The following LPP variants were observed in gnomAD, a reference collection of about 807,000 sequenced individuals.
The protein encoded by LPP is LIM domain containing preferred translocation partner in lipoma.
A neutral mutation model predicts 60.4 loss-of-function variants in LPP; 38 were observed. The observed-to-expected ratio is 0.63, with a 90% CI of 0.49 to 0.83. The LOEUF (loss-of-function observed/expected upper bound fraction) is 0.83, where lower values mean the gene tolerates loss of function less well. Among genes scored for constraint, LPP ranks in the 40% least tolerant of loss-of-function variants. The pLI, the probability that LPP is intolerant of heterozygous loss-of-function variation, is 0.00. For synonymous variants in LPP, 328 were observed against 290.8 expected (o/e 1.13, Z -1.30); for missense variants, 902 against 783.6 (o/e 1.15, Z -1.80).
chr3:188,325,830 C>T (rs370670023), intron 2 of LPP, among the ~76,000 whole-genome samples: 4 of 152,042 alleles, frequency 2.6e-5, no homozygotes, highest in Admixed American at 6.6e-5. Flanking sequence ...TCTGTATCTC[C>T]GCCTGTAGAA....
chr3:188,441,594 TTTTTC>T (rs1231613346), intron 4 of LPP, among the ~76,000 whole-genome samples: 57 of 135,864 alleles, frequency 4.2e-4, no homozygotes, highest in Non-Finnish European at 7.8e-4. Flanking sequence ...ACAGTTTCTT[TTTTTC>T]TTTTCTTTTC....
intron 2 of LPP, among the ~76,000 whole-genome samples, chr3:188,300,910 A>G (rs1749624156): frequency 6.6e-6 from 1 of 152,222 alleles, no homozygotes; most frequent in African/African-American, 2.4e-5. Context: ...AGATTGAAGG[A>G]GTAGTAAGCT....
intron 2 of LPP, among the ~76,000 whole-genome samples, chr3:188,237,783 G>A (rs1337154356): frequency 6.6e-6 from 1 of 152,148 alleles, no homozygotes; most frequent in African/African-American, 2.4e-5. Flanking sequence ...CACAGGCAGA[G>A]TAGATTCAGC....
chr3:188,200,272 G>A (rs576201172), intron 1 of LPP, among the ~76,000 whole-genome samples: 20 of 145,974 alleles, frequency 1.4e-4, no homozygotes, highest in East Asian at 2.0e-4. Flanking sequence ...TTTCTGAGAC[G>A]GAGTTTCACT....
At chr3:188,533,346 G>A (rs138219469) in intron 6 of LPP, among the ~76,000 whole-genome samples, 10 of 152,320 alleles carry the variant, frequency 6.6e-5, no homozygotes, top group African/African-American at 2.2e-4. Context: ...TGCTGATACT[G>A]TGTGATGAGA....
intron 1 of LPP, among the ~76,000 whole-genome samples, chr3:188,166,428 T>C (rs867133893): frequency 6.6e-6 from 1 of 152,222 alleles, no homozygotes; most frequent in African/African-American, 2.4e-5. Flanking sequence ...CTGGCTCAGC[T>C]TGCAGGATCC....
chr3:188,642,004 G>C (rs374920728), intron 7 of LPP, among the ~76,000 whole-genome samples: 8 of 152,252 alleles, frequency 5.3e-5, no homozygotes, highest in South Asian at 2.1e-4. Flanking sequence ...GAAGCAAACC[G>C]CATCCTTGCT....
intron 9 of LPP, among the ~76,000 whole-genome samples, chr3:188,774,139 T>G (rs1274918881): frequency 6.6e-6 from 1 of 152,192 alleles, no homozygotes; most frequent in Non-Finnish European, 1.5e-5. Flanking sequence ...TTAAATAAAT[T>G]TATGCTAACA....
intron 10 of LPP, among the ~76,000 whole-genome samples, 165 bp from the exon 11 acceptor site, chr3:188,872,478 A>C (rs1337037701): frequency 6.6e-6 from 1 of 152,174 alleles, no homozygotes; most frequent in African/African-American, 2.4e-5. Flanking sequence ...AATATTTACC[A>C]CCGATTGATG....
intron 1 of LPP, among the ~76,000 whole-genome samples, chr3:188,202,167 G>A (rs114508209): frequency 1.3e-5 from 2 of 151,940 alleles, no homozygotes; most frequent in African/African-American, 2.4e-5. Context: ...ACGTAGCCTC[G>A]TCTTGGCACC....
At chr3:188,840,053 T>G (rs751384890) in intron 9 of LPP, among the ~76,000 whole-genome samples, 12 of 152,246 alleles carry the variant, frequency 7.9e-5, no homozygotes, top group Middle Eastern at 3.4e-3. Context: ...CAGTCTTACC[T>G]CCTAGAATAC....
intron 2 of LPP, among the ~76,000 whole-genome samples, chr3:188,333,107 T>G (rs76394494): frequency 6.6e-6 from 1 of 152,216 alleles, no homozygotes; most frequent in East Asian, 1.9e-4. Context: ...AATCTCATGA[T>G]AGTAGAACAT....
intron 2 of LPP, among the ~76,000 whole-genome samples, chr3:188,302,568 C>T (rs1405708608): frequency 6.6e-6 from 1 of 152,190 alleles, no homozygotes; most frequent in African/African-American, 2.4e-5. Flanking sequence ...GTTTTCCTCA[C>T]ATGCTGCTGT....
intron 6 of LPP, chr3:188,568,735 G>A (rs1406149166): frequency 6.6e-6 from 1 of 152,036 alleles, no homozygotes; most frequent in Non-Finnish European, 1.5e-5. Flanking sequence ...AGTTTGCGAG[G>A]TGAGTGGCTT....
intron 9 of LPP, among the ~76,000 whole-genome samples, chr3:188,779,167 A>G (rs1738790931): frequency 6.6e-6 from 1 of 152,140 alleles, no homozygotes; most frequent in African/African-American, 2.4e-5. Context: ...ATGTTAGTGC[A>G]CTTATAGAAA....
intron 7 of LPP, among the ~76,000 whole-genome samples, chr3:188,676,654 G>C (rs1858175536): frequency 6.6e-6 from 1 of 152,046 alleles, no homozygotes; most frequent in Non-Finnish European, 1.5e-5. Context: ...GAAAATGAAG[G>C]CCCCTCTCCT....
intron 7 of LPP, among the ~76,000 whole-genome samples, chr3:188,643,881 G>T (rs370652966): frequency 6.6e-6 from 1 of 152,156 alleles, no homozygotes; most frequent in Non-Finnish European, 1.5e-5. Context: ...GTAGAAAATA[G>T]TACCAAGGTA....
At chr3:188,840,653 C>G (rs1759721423) in intron 9 of LPP, among the ~76,000 whole-genome samples, 1 of 152,166 alleles carries the variant, frequency 6.6e-6, no homozygotes, top group Admixed American at 6.5e-5. Flanking sequence ...TATGTGCCAC[C>G]TCATCTGACT....
intron 5 of LPP, among the ~76,000 whole-genome samples, chr3:188,503,297 T>C (rs1053425062): frequency 2.0e-5 from 3 of 152,156 alleles, no homozygotes; most frequent in Non-Finnish European, 4.4e-5. Flanking sequence ...TTATACATTG[T>C]GTACACAACA....
Sources: allele counts gnomAD v4.1 joint callset (sites outside exome capture counted in the v4.1 genomes callset), GRCh38; gene constraint gnomAD v4.1.1; transcripts MANE v1.5; gene names NCBI Gene and HGNC (gene_info 2026-07-23, HGNC 2026-07-21).